The following QRICH1 variants were observed in gnomAD, a reference collection of about 807,000 sequenced individuals.
The protein encoded by QRICH1 is transcriptional regulator QRICH1.
In QRICH1, 16 loss-of-function variants were observed where a neutral mutation model predicts 87.1. The ratio of observed to expected loss-of-function variants is 0.18; its 90% CI spans 0.12 to 0.28. The LOEUF (loss-of-function observed/expected upper bound fraction) is 0.28. Ranked by LOEUF, QRICH1 falls within the 10% of genes least tolerant of loss-of-function variation. QRICH1 has a pLI of 1.00. For missense variants in QRICH1, 647 were observed against 951.7 expected (o/e 0.68, Z 4.21); for synonymous variants, 367 against 368.4 (o/e 1.00, Z 0.05).
intron 2 of QRICH1, among the ~76,000 whole-genome samples, chr3:49,065,554 C>G (rs966474840): frequency 6.6e-6 from 1 of 152,136 alleles, no homozygotes; most frequent in Admixed American, 6.6e-5. Context: ...ATGGCCTCTG[C>G]AAAACTCCAG....
chr3:49,039,314 G>A (rs2093295337), intron 6 of QRICH1, among the ~76,000 whole-genome samples: 1 of 152,102 alleles, frequency 6.6e-6, no homozygotes, highest in Non-Finnish European at 1.5e-5. Context: ...CCGAGATCGT[G>A]TCATTGCGCT....
In QRICH1 at chr3:49,042,785, C is replaced by T. The variant is rs183119552; in HGVS notation, c.1786+1605G>A. On this transcript the variant is annotated intron_variant, in intron 6 of 9. Coordinates refer to ENST00000395443, the MANE Select transcript of QRICH1 (RefSeq NM_198880.3). The stretch of plus-strand genomic sequence containing the variant: ...ATGGGGTTTCACCATGTTAGCCAGG[C>T]TGGTCTTGAACTCCCAATATTCAGT... Among the ~76,000 whole-genome samples the T allele has an allele frequency of 1.6e-3, 247 of 152,090 alleles. 5 individuals carry two copies. The highest frequency in any genetic ancestry group is 0.016 in the Admixed American group (245 of 15,246).
intron 3 of QRICH1, among the ~76,000 whole-genome samples, chr3:49,049,907 A>T (rs1262237323): frequency 6.6e-6 from 1 of 152,100 alleles, no homozygotes; most frequent in African/African-American, 2.4e-5. Context: ...CCACATGTTC[A>T]AAGAATGTGC....
intron 4 of QRICH1, 126 bp downstream of exon 4, chr3:49,046,943 T>C: frequency 8.9e-7 from 1 of 1,117,766 alleles, no homozygotes; most frequent in South Asian, 1.5e-5. Flanking sequence ...GAATTCAACA[T>C]ACTATTACAG....
At chr3:49,090,300 C>G (rs987013170) in intron 1 of QRICH1, among the ~76,000 whole-genome samples, 1 of 152,026 alleles carries the variant, frequency 6.6e-6, no homozygotes, top group Non-Finnish European at 1.5e-5. Context: ...TCTACTAAAA[C>G]TACAAAAAAT....
rs746808937 is a variant in QRICH1, at chr3:49,047,096, C to A, written c.1489G>T (p.Ala497Ser). The A allele has an allele frequency of 6.2e-7, 1 of 1,614,092 alleles. No homozygotes were observed. The highest frequency in any genetic ancestry group is 1.7e-5 in the Admixed American group (1 of 60,002). Residue 497 changes from alanine (A) to serine (S), a missense_variant, in exon 4 of 10, where the codon GCT becomes TCT. Physicochemically the swap from Ala to Ser is moderately conservative, Grantham distance 99. Coordinates refer to ENST00000395443, the MANE Select transcript of QRICH1 (RefSeq NM_198880.3). ...CCAATGGGTGCCAATCTGTTCTGAG[C>A]ATCCTTCTCTAGTTCAGCATTCTTG... ...QTKNAELEKD[A>S]QNRLAPIGRR...
rs777236392 is a variant in QRICH1, at chr3:49,033,113, C to T, written c.1895+7G>A. The stretch of plus-strand genomic sequence containing the variant: ...GATGCCAGCAGTGGAGCCTCTAGAA[C>T]ACTTACTTGGTATTAAAGAACATGA... On this transcript the variant is annotated splice_region_variant and intron_variant, in intron 7 of 9. Transcript: ENST00000395443. 9 of 1,519,434 alleles carry T rather than the reference C, an allele frequency of 5.9e-6. No homozygotes were observed. Among genetic ancestry groups the T allele is most frequent in the Admixed American group, 4.2e-5 (2 of 47,094 alleles). The allele number at this position is 1,519,434 out of a possible 1,614,324, so 94.1% of individuals were successfully genotyped here.
chr3:49,070,592 C>T (rs1399347843), intron 2 of QRICH1, among the ~76,000 whole-genome samples: 2 of 151,944 alleles, frequency 1.3e-5, no homozygotes, highest in Admixed American at 6.6e-5. Context: ...CACCACCATG[C>T]CAAACTAATT....
chr3:49,093,153 A>C (rs1056526176), intron 1 of QRICH1: 1 of 152,204 alleles, frequency 6.6e-6, no homozygotes, highest in Non-Finnish European at 1.5e-5. Context: ...CAGAAAGCCC[A>C]GTACAAGGTG....
intron 2 of QRICH1, among the ~76,000 whole-genome samples, chr3:49,074,982 TA>T (rs1655048126): frequency 6.6e-6 from 1 of 151,678 alleles, no homozygotes; most frequent in Non-Finnish European, 1.5e-5. Flanking sequence ...CCATCTTAAA[TA>T]AAAAAGACCA....
chr3:49,069,858 G>A (rs1042223853), intron 2 of QRICH1, among the ~76,000 whole-genome samples: 2 of 152,036 alleles, frequency 1.3e-5, no homozygotes, highest in Admixed American at 6.6e-5. Context: ...GGTAATGTGA[G>A]CTGTAAGTAT....
intron 3 of QRICH1, among the ~76,000 whole-genome samples, chr3:49,048,038 G>A (rs1402129207): frequency 6.6e-6 from 1 of 151,984 alleles, no homozygotes; most frequent in Non-Finnish European, 1.5e-5. Flanking sequence ...TGCTCCCACA[G>A]TCTTTAATGT....
chr3:49,044,291 C>A (rs1017821991), intron 6 of QRICH1, 99 bp downstream of exon 6: 1 of 898,550 alleles, frequency 1.1e-6, no homozygotes, highest in Non-Finnish European at 1.7e-6. Flanking sequence ...GGATTTATAT[C>A]CCCCCTCACT....
chr3:49,053,131 T>C (rs1024217565), intron 3 of QRICH1, among the ~76,000 whole-genome samples: 1 of 151,998 alleles, frequency 6.6e-6, no homozygotes, highest in Admixed American at 6.6e-5. Context: ...GTAAGCCTCC[T>C]GGGAATAAAG....
chr3:49,090,643 A>AG (rs1553749978), intron 1 of QRICH1, among the ~76,000 whole-genome samples: 1 of 150,804 alleles, frequency 6.6e-6, no homozygotes, highest in East Asian at 1.9e-4. Flanking sequence ...AAAAAAAAAA[A>AG]AGAGAAAAGA....
At chr3:49,036,889 C>T (rs1349506605) in intron 6 of QRICH1, among the ~76,000 whole-genome samples, 1 of 151,204 alleles carries the variant, frequency 6.6e-6, no homozygotes, top group Non-Finnish European at 1.5e-5. Context: ...ATGGCAAAAC[C>T]CCATCTCTAC....
chr3:49,085,024 T>C (rs2042141824), intron 1 of QRICH1, among the ~76,000 whole-genome samples: 1 of 150,912 alleles, frequency 6.6e-6, no homozygotes, highest in Non-Finnish European at 1.5e-5. Flanking sequence ...GCGCCTGTAG[T>C]CCCAGCTACT....
At position 49,035,648 on chromosome 3, in the gene QRICH1, T is replaced by TA. The variant is rs971371469; in HGVS notation, c.1787-2421dup. On this transcript the variant is annotated intron_variant, in intron 6 of 9. Coordinates refer to ENST00000395443, the MANE Select transcript of QRICH1 (RefSeq NM_198880.3). ...GGAGACCCTGTCAATACAAAAACCT[T>TA]AAAAAAAAAAACAAAAAAAAACAGC... Among the ~76,000 whole-genome samples, 764 of 133,172 alleles carry TA rather than the reference T, an allele frequency of 5.7e-3. 4 individuals are homozygous for TA. The highest frequency in any genetic ancestry group is 0.014 in the African/African-American group (505 of 36,110). 87.4% of individuals were successfully genotyped at this position (133,172 alleles called of 152,430 possible).
chr3:49,083,601 A>T (rs1361526248), intron 1 of QRICH1: 4 of 151,790 alleles, frequency 2.6e-5, no homozygotes, highest in African/African-American at 4.8e-5. Flanking sequence ...AAACCATTAG[A>T]AAATATCAAT....
Sources: gnomAD v4.1 joint callset for allele counts (sites outside exome capture counted in the v4.1 genomes callset) on GRCh38, gnomAD v4.1.1 for gene constraint, MANE v1.5 for transcripts, NCBI Gene and HGNC (gene_info 2026-07-23, HGNC 2026-07-21) for gene names.